Variants in CCDC7 observed in about 807,000 individuals in gnomAD.
The protein encoded by CCDC7 is coiled-coil domain-containing protein 7.
CCDC7 carries 183 observed loss-of-function variants against 196.9 expected under a neutral mutation model. The ratio of observed to expected loss-of-function variants is 0.93; its 90% CI spans 0.82 to 1.05. CCDC7 has a LOEUF of 1.05. Among genes scored for constraint, CCDC7 ranks in the 50% least tolerant of loss-of-function variants. The pLI, the probability that CCDC7 is intolerant of heterozygous loss-of-function variation, is 0.00. For synonymous variants in CCDC7, 525 were observed against 484.6 expected, an observed-to-expected ratio of 1.08 and a Z score of -1.10; for missense variants, 1,540 against 1,482.2, an observed-to-expected ratio of 1.04 and a Z score of -0.64.
chr10:32,689,082 A>T (rs753937931), exon 23 of CCDC7: 1 of 1,605,972 alleles, frequency 6.2e-7, no homozygotes, highest in South Asian at 1.1e-5. Context: ...TGAAAATCTT[A>T]TACTTAGGCA....
chr10:32,856,752 C>T (rs2093769687), intron 41 of CCDC7, among the ~76,000 whole-genome samples: 1 of 152,132 alleles, frequency 6.6e-6, no homozygotes, highest in Non-Finnish European at 1.5e-5. Context: ...TCATTGGGGC[C>T]TAAACCTCTG....
intron 9 of CCDC7, among the ~76,000 whole-genome samples, chr10:32,506,320 C>G (rs182038938): frequency 3.8e-4 from 57 of 151,232 alleles, no homozygotes; most frequent in Admixed American, 1.7e-3. Context: ...AGACGCTCCT[C>G]ACTTCCTAGA....
At chr10:32,801,403 A>C (rs539596469) in intron 29 of CCDC7, among the ~76,000 whole-genome samples, 69 of 152,282 alleles carry the variant, frequency 4.5e-4, no homozygotes, top group African/African-American at 1.6e-3. Flanking sequence ...AAACTATTAG[A>C]ATCTTTTTTA....
chr10:32,628,881 A>G (rs1413758658), intron 18 of CCDC7, among the ~76,000 whole-genome samples: 2 of 152,064 alleles, frequency 1.3e-5, no homozygotes, highest in Non-Finnish European at 2.9e-5. Flanking sequence ...TATGATTTCA[A>G]TCTTCTTAAA....
downstream of CCDC7, among the ~76,000 whole-genome samples, chr10:32,881,791 A>G (rs1345695427): frequency 6.6e-6 from 1 of 152,036 alleles, no homozygotes; most frequent in East Asian, 1.9e-4. Context: ...GAATTCTCAA[A>G]CCCTTCAGTT....
chr10:32,822,300 T>C (rs2090388473), intron 31 of CCDC7, among the ~76,000 whole-genome samples: 1 of 152,184 alleles, frequency 6.6e-6, no homozygotes, highest in African/African-American at 2.4e-5. Flanking sequence ...ATTTATATAA[T>C]TGTATCATTG....
chr10:32,459,002 T>G (rs1463884862), intron 3 of CCDC7, among the ~76,000 whole-genome samples: 2 of 152,186 alleles, frequency 1.3e-5, no homozygotes, highest in Non-Finnish European at 2.9e-5. Flanking sequence ...TAGAGACCTT[T>G]CACCTCCTTG....
chr10:32,629,882 G>A (rs1169569880), intron 18 of CCDC7, among the ~76,000 whole-genome samples: 1 of 152,178 alleles, frequency 6.6e-6, no homozygotes, highest in Non-Finnish European at 1.5e-5. Context: ...GGAAGAAAGC[G>A]CTAGAGTGCC....
intron 18 of CCDC7, among the ~76,000 whole-genome samples, chr10:32,590,709 G>T (rs1389831938): frequency 6.6e-6 from 1 of 152,088 alleles, no homozygotes; most frequent in Non-Finnish European, 1.5e-5. Flanking sequence ...GTCTGGGAAG[G>T]TCTTTATTTT....
exon 22 of CCDC7, chr10:32,685,998 T>A: frequency 6.3e-7 from 1 of 1,585,244 alleles, no homozygotes; most frequent in East Asian, 2.3e-5. Context: ...ATGAAAGGCT[T>A]GTAGTTGAGC....
intron 28 of CCDC7, among the ~76,000 whole-genome samples, chr10:32,755,527 C>A (rs980407728): frequency 9.2e-5 from 14 of 152,138 alleles, no homozygotes; most frequent in African/African-American, 3.1e-4. Context: ...AACAGACCTG[C>A]AGCTGAGGGT....
intron 33 of CCDC7, among the ~76,000 whole-genome samples, chr10:32,838,911 G>A (rs939018747): frequency 6.6e-6 from 1 of 151,978 alleles, no homozygotes; most frequent in Non-Finnish European, 1.5e-5. Flanking sequence ...GAAAGATACA[G>A]TCTTTTCCAG....
At chr10:32,506,769 G>A (rs896995887) in intron 9 of CCDC7, among the ~76,000 whole-genome samples, 35 of 152,204 alleles carry the variant, frequency 2.3e-4, no homozygotes, top group African/African-American at 1.7e-4. Flanking sequence ...GGAGAATCAC[G>A]GGAGCCCGAG....
At chr10:32,532,461 T>C (rs2135912557) in intron 11 of CCDC7, among the ~76,000 whole-genome samples, 1 of 152,322 alleles carries the variant, frequency 6.6e-6, no homozygotes, top group East Asian at 1.9e-4. Context: ...AGATATGGTC[T>C]ATCCTGGAGA....
intron 29 of CCDC7, among the ~76,000 whole-genome samples, chr10:32,798,463 G>T (rs561443152): frequency 1.3e-5 from 2 of 152,296 alleles, no homozygotes; most frequent in Admixed American, 6.5e-5. Flanking sequence ...CACAGAACGG[G>T]TCATCCTCTC....
At position 32,469,085 on chromosome 10, in the gene CCDC7, T is replaced by C. The variant is rs1032135493; in HGVS notation, c.511-1979T>C. On this transcript the variant is annotated intron_variant, in intron 5 of 41. Coordinates refer to ENST00000639629, the Ensembl canonical transcript of CCDC7. ...AACCCACTATCTATTCCATACTCTT[T>C]TAGTTCTGTGCCTTTATCTTTTTTC... Among the ~76,000 whole-genome samples the C allele has an allele frequency of 4.6e-5, 7 of 152,250 alleles. 1 individual carries two copies. The highest frequency in any genetic ancestry group is 3.9e-4 in the Admixed American group (6 of 15,286).
At chr10:32,501,134 T>G (rs1198647208) in intron 9 of CCDC7, among the ~76,000 whole-genome samples, 1 of 152,110 alleles carries the variant, frequency 6.6e-6, no homozygotes. Flanking sequence ...GAGTTGATCT[T>G]CAATCTCTGA....
At chr10:32,850,625 C>T (rs2093517505) in intron 39 of CCDC7, among the ~76,000 whole-genome samples, 2 of 152,174 alleles carry the variant, frequency 1.3e-5, no homozygotes, top group Non-Finnish European at 2.9e-5. Flanking sequence ...AGAATCAGCT[C>T]TTCCCAGGAC....
chr10:32,716,213 A>C (rs2081551516), intron 25 of CCDC7, among the ~76,000 whole-genome samples: 1 of 152,238 alleles, frequency 6.6e-6, no homozygotes, highest in Non-Finnish European at 1.5e-5. Flanking sequence ...TCTCTGCAGA[A>C]GCCCTACAAA....
Sources: gnomAD v4.1 joint callset for allele counts (sites outside exome capture counted in the v4.1 genomes callset) on GRCh38, gnomAD v4.1.1 for gene constraint, MANE v1.5 for transcripts, NCBI Gene and HGNC (gene_info 2026-07-23, HGNC 2026-07-21) for gene names.